CPA6: variants seen among roughly 807,000 people sequenced by gnomAD.
CPA6 encodes carboxypeptidase A6, also known as carboxypeptidase B.
CPA6 carries 58 observed loss-of-function variants against 63.3 expected under a neutral mutation model. That is an observed-to-expected ratio of 0.92 (90% CI 0.74 to 1.14). The LOEUF (loss-of-function observed/expected upper bound fraction) is 1.14, where lower values mean the gene tolerates loss of function less well. Ranked by LOEUF, CPA6 falls within the 50% of genes most tolerant of loss-of-function variation. CPA6 has a pLI of 0.00. For missense variants in CPA6, 565 were observed against 526.6 expected (o/e 1.07, Z -0.71); for synonymous variants, 185 against 179.0 (o/e 1.03, Z -0.27).
intron 2 of CPA6, among the ~76,000 whole-genome samples, chr8:67,607,231 C>CTTCTTG (rs1814682443): frequency 8.5e-6 from 1 of 117,156 alleles, no homozygotes; most frequent in East Asian, 2.6e-4. Flanking sequence ...TCTTCTTCTT[C>CTTCTTG]TTCTTCTTCT....
At chr8:67,713,099 G>GTGTATATATATA (rs1328463977) in intron 1 of CPA6, among the ~76,000 whole-genome samples, 4 of 55,024 alleles carry the variant, frequency 7.3e-5, no homozygotes, top group African/African-American at 2.2e-4. Context: ...GTGTGTGTGT[G>GTGTATATATATA]TATATATATA....
intron 1 of CPA6, among the ~76,000 whole-genome samples, chr8:67,679,117 G>T (rs1816539955): frequency 6.6e-6 from 1 of 152,110 alleles, no homozygotes; most frequent in South Asian, 2.1e-4. Context: ...TCTGTGGTTT[G>T]GTTATCAATT....
At chr8:67,436,162 C>A (rs1264600492) in intron 8 of CPA6, among the ~76,000 whole-genome samples, 1 of 152,148 alleles carries the variant, frequency 6.6e-6, no homozygotes, top group Non-Finnish European at 1.5e-5. Context: ...GTGGGCAATT[C>A]TCACCTTCAA....
chr8:67,701,397 A>C (rs1817021817), intron 1 of CPA6, among the ~76,000 whole-genome samples: 1 of 152,188 alleles, frequency 6.6e-6, no homozygotes, highest in African/African-American at 2.4e-5. Context: ...TAAACAGGTA[A>C]TATTTAAATC....
At chr8:67,662,608 A>G (rs1816142640) in intron 1 of CPA6, among the ~76,000 whole-genome samples, 1 of 151,060 alleles carries the variant, frequency 6.6e-6, no homozygotes, top group African/African-American at 2.4e-5. Flanking sequence ...ATACATACAC[A>G]CGTATATGTA....
At chr8:67,482,684 C>T (rs1196274537) in intron 8 of CPA6, among the ~76,000 whole-genome samples, 1 of 152,166 alleles carries the variant, frequency 6.6e-6, no homozygotes, top group Non-Finnish European at 1.5e-5. Context: ...CTAAATTAGA[C>T]ATTTCACATA....
At chr8:67,494,833 C>T (rs191445589) in intron 6 of CPA6, among the ~76,000 whole-genome samples, 3 of 152,194 alleles carry the variant, frequency 2.0e-5, no homozygotes, top group African/African-American at 7.2e-5. Flanking sequence ...AAAGTACTTA[C>T]ACACAACTTT....
At chr8:67,540,302 C>G (rs767594263) in intron 2 of CPA6, among the ~76,000 whole-genome samples, 5 of 152,128 alleles carry the variant, frequency 3.3e-5, no homozygotes, top group African/African-American at 4.8e-5. Flanking sequence ...AGATCCACTC[C>G]AGACCCTGTT....
intron 1 of CPA6, among the ~76,000 whole-genome samples, chr8:67,638,882 T>G (rs1222980365): frequency 6.6e-6 from 1 of 151,474 alleles, no homozygotes; most frequent in Non-Finnish European, 1.5e-5. Flanking sequence ...TTTCAGAGTC[T>G]TTCCTGGGGG....
rs368874543 is a variant in CPA6, at chr8:67,458,910, T to C, written c.839-24670A>G. The stretch of plus-strand genomic sequence containing the variant: ...ACAACAGCAAATGATGGTGAAGACG[T>C]GGAGCAACAGGAACTTTCATTCATT... On this transcript the variant is annotated intron_variant, in intron 8 of 10. Coordinates refer to ENST00000297770, the MANE Select transcript of CPA6 (RefSeq NM_020361.5). Among the ~76,000 whole-genome samples the C allele has an allele frequency of 6.6e-5, 10 of 152,334 alleles. No individual in the cohort carries two copies. In the East Asian group the frequency reaches 1.2e-3, roughly 18 times the overall value.
chr8:67,697,044 T>A (rs763548687), intron 1 of CPA6, among the ~76,000 whole-genome samples: 1 of 152,226 alleles, frequency 6.6e-6, no homozygotes, highest in Non-Finnish European at 1.5e-5. Flanking sequence ...AGGTGGACAT[T>A]ACACCCATTT....
At chr8:67,513,060 G>T (rs1331886619) in intron 3 of CPA6, among the ~76,000 whole-genome samples, 1 of 151,996 alleles carries the variant, frequency 6.6e-6, no homozygotes, top group African/African-American at 2.4e-5. Flanking sequence ...TTCAATTTTT[G>T]ATTTTAAAAC....
At chr8:67,435,485 C>T (rs1810129216) in intron 8 of CPA6, among the ~76,000 whole-genome samples, 1 of 152,142 alleles carries the variant, frequency 6.6e-6, no homozygotes, top group Admixed American at 6.5e-5. Context: ...CTCTTGGGGC[C>T]CTGTGATGGG....
At chr8:67,563,352 G>A (rs1336808485) in intron 2 of CPA6, among the ~76,000 whole-genome samples, 2 of 152,132 alleles carry the variant, frequency 1.3e-5, no homozygotes, top group Non-Finnish European at 2.9e-5. Context: ...GATTATCAGC[G>A]TCATTCACTG....
intron 2 of CPA6, among the ~76,000 whole-genome samples, chr8:67,547,484 A>T (rs1389437817): frequency 6.6e-5 from 10 of 151,764 alleles, no homozygotes; most frequent in Admixed American, 4.6e-4. Flanking sequence ...ACTATTAACA[A>T]GTAATGAATT....
At chr8:67,571,419 G>A (rs1006412434) in intron 2 of CPA6, among the ~76,000 whole-genome samples, 2 of 152,150 alleles carry the variant, frequency 1.3e-5, no homozygotes, top group Non-Finnish European at 2.9e-5. Context: ...TAAGAACACA[G>A]AGTACATTCT....
rs576602382 is a variant in CPA6 at position 67,525,719 on chromosome 8, C to T, written c.193-7672G>A. ...ACCAACCTGAAATGATTGTTGAGGCCCATCAATCAAAGACTGTCAAGACAG... is the reference window on the plus strand; with the variant it reads ...ACCAACCTGAAATGATTGTTGAGGCTCATCAATCAAAGACTGTCAAGACAG... On this transcript the variant is annotated intron_variant, in intron 2 of 10. Coordinates refer to ENST00000297770, the MANE Select transcript of CPA6 (RefSeq NM_020361.5). 2.6e-5 allele frequency among the ~76,000 whole-genome samples: 4 copies of T among 152,228 alleles called. No individual in the cohort carries two copies. In the East Asian group the frequency reaches 7.7e-4, roughly 29 times the overall value.
intron 2 of CPA6, among the ~76,000 whole-genome samples, chr8:67,541,890 C>T (rs1409451144): frequency 6.6e-6 from 1 of 152,236 alleles, no homozygotes; most frequent in Non-Finnish European, 1.5e-5. Flanking sequence ...CAGAAATCAC[C>T]TGCCTTCTGC....
At chr8:67,695,659 C>A (rs1816900279) in intron 1 of CPA6, among the ~76,000 whole-genome samples, 1 of 152,222 alleles carries the variant, frequency 6.6e-6, no homozygotes, top group African/African-American at 2.4e-5. Flanking sequence ...TCCCCACTAT[C>A]TTGAAGCAGC....
Sources: gnomAD v4.1 joint callset for allele counts (sites outside exome capture counted in the v4.1 genomes callset) on GRCh38, gnomAD v4.1.1 for gene constraint, MANE v1.5 for transcripts, NCBI Gene and HGNC (gene_info 2026-07-23, HGNC 2026-07-21) for gene names.